The following NOL4 variants were observed in gnomAD, a reference collection of about 807,000 sequenced individuals.
NOL4 encodes nucleolar protein 4.
A neutral mutation model predicts 75.9 loss-of-function variants in NOL4; 17 were observed. That is an observed-to-expected ratio of 0.22 (90% CI 0.15 to 0.34). NOL4 has a LOEUF of 0.34. Ranked by LOEUF, NOL4 falls within the 10% of genes least tolerant of loss-of-function variation. NOL4 has a pLI of 1.00. For missense variants in NOL4, 614 were observed against 793.5 expected, an observed-to-expected ratio of 0.77 and a Z score of 2.72; for synonymous variants, 292 against 289.9, an observed-to-expected ratio of 1.01 and a Z score of -0.07.
intron 10 of NOL4, among the ~76,000 whole-genome samples, chr18:33,862,559 T>G (rs373530948): frequency 2.6e-5 from 4 of 151,808 alleles, no homozygotes; most frequent in Non-Finnish European, 4.4e-5. Context: ...ACAATGAACT[T>G]AAACAAATTT....
intron 2 of NOL4, among the ~76,000 whole-genome samples, chr18:34,128,432 G>A (rs532691536): frequency 2.0e-5 from 3 of 151,996 alleles, no homozygotes; most frequent in Admixed American, 6.6e-5. Context: ...CACAGTTAGT[G>A]ATATTAGTAG....
intron 5 of NOL4, among the ~76,000 whole-genome samples, chr18:34,034,842 G>GA (rs1156820871): frequency 2.3e-4 from 34 of 148,160 alleles, no homozygotes; most frequent in Non-Finnish European, 3.4e-4. Context: ...CACTAAAATG[G>GA]AAAAAAAAAG....
intron 10 of NOL4, among the ~76,000 whole-genome samples, chr18:33,859,303 G>A (rs1218682691): frequency 1.3e-5 from 2 of 151,960 alleles, no homozygotes; most frequent in African/African-American, 2.4e-5. Flanking sequence ...AACACAATGC[G>A]ATCTGTATGT....
chr18:33,936,079 A>T (rs1043015383), intron 9 of NOL4, among the ~76,000 whole-genome samples: 1 of 152,208 alleles, frequency 6.6e-6, no homozygotes, highest in Non-Finnish European at 1.5e-5. Context: ...AAAAGGACAC[A>T]AAACTGCAGA....
At chr18:33,854,725 T>C in intron 10 of NOL4, among the ~76,000 whole-genome samples, 1 of 151,450 alleles carries the variant, frequency 6.6e-6, no homozygotes, top group Admixed American at 6.6e-5. Flanking sequence ...TTATCTAGTA[T>C]CTGGTTGGCT....
intron 9 of NOL4, among the ~76,000 whole-genome samples, chr18:33,891,937 A>C (rs1345582082): frequency 3.3e-5 from 5 of 152,154 alleles, no homozygotes; most frequent in African/African-American, 1.2e-4. Context: ...GGCAGTCCAC[A>C]ATATGTTGAG....
At chr18:34,013,448 C>T (rs1309870941) in intron 6 of NOL4, among the ~76,000 whole-genome samples, 1 of 151,898 alleles carries the variant, frequency 6.6e-6, no homozygotes, top group Non-Finnish European at 1.5e-5. Flanking sequence ...ATTTTCCATC[C>T]TATACCCTTA....
At chr18:34,136,231 A>T (rs1339760108) in intron 1 of NOL4, among the ~76,000 whole-genome samples, 1 of 152,150 alleles carries the variant, frequency 6.6e-6, no homozygotes, top group Non-Finnish European at 1.5e-5. Context: ...CACAACTAAC[A>T]TCTTATTTAA....
chr18:33,984,210 C>T (rs1407272416), intron 6 of NOL4, among the ~76,000 whole-genome samples: 1 of 152,010 alleles, frequency 6.6e-6, no homozygotes, highest in Non-Finnish European at 1.5e-5. Flanking sequence ...TCATAGTACA[C>T]AACAAATTAT....
chr18:34,216,822 C>T (rs2036921859), intron 1 of NOL4, among the ~76,000 whole-genome samples: 1 of 151,770 alleles, frequency 6.6e-6, no homozygotes, highest in African/African-American at 2.4e-5. Context: ...TTAATCTTTT[C>T]CATTAACTTC....
intron 1 of NOL4, among the ~76,000 whole-genome samples, chr18:34,161,484 C>A (rs1377826156): frequency 3.3e-5 from 5 of 152,152 alleles, no homozygotes; most frequent in Non-Finnish European, 5.9e-5. Context: ...TTTATTCCTT[C>A]TTCTCCACGA....
chr18:33,945,851 C>T (rs1387406043), intron 8 of NOL4, among the ~76,000 whole-genome samples: 2 of 151,638 alleles, frequency 1.3e-5, no homozygotes, highest in African/African-American at 4.8e-5. Flanking sequence ...TCATCCAGTA[C>T]AAGTTTCTTC....
intron 9 of NOL4, among the ~76,000 whole-genome samples, chr18:33,918,205 T>C (rs1352697994): frequency 1.3e-5 from 2 of 152,138 alleles, no homozygotes; most frequent in African/African-American, 4.8e-5. Context: ...GGGGGAAAAA[T>C]CTGCTCAATT....
chr18:33,970,168 G>A (rs1364263634), intron 6 of NOL4, among the ~76,000 whole-genome samples: 2 of 152,252 alleles, frequency 1.3e-5, no homozygotes, highest in African/African-American at 4.8e-5. Flanking sequence ...ATTCAAATAA[G>A]TATAGCCATT....
At chr18:34,026,703 A>G (rs2075359819) in intron 5 of NOL4, among the ~76,000 whole-genome samples, 1 of 152,166 alleles carries the variant, frequency 6.6e-6, no homozygotes, top group Non-Finnish European at 1.5e-5. Flanking sequence ...AATTTTTTAA[A>G]TAATATAAAT....
At chr18:34,221,999 C>T (rs1461474275) in intron 1 of NOL4, 6 of 1,528,606 alleles carry the variant, frequency 3.9e-6, no homozygotes, top group East Asian at 5.0e-5. Context: ...TCCCCCATCC[C>T]TACTCCAGGC....
At chr18:34,070,101 G>T (rs1040144538) in intron 5 of NOL4, among the ~76,000 whole-genome samples, 1 of 152,170 alleles carries the variant, frequency 6.6e-6, no homozygotes, top group Non-Finnish European at 1.5e-5. Flanking sequence ...GCGCAATCCC[G>T]GCTCACTGAA....
intron 1 of NOL4, among the ~76,000 whole-genome samples, chr18:34,191,661 T>A (rs1046228083): frequency 6.6e-6 from 1 of 152,280 alleles, no homozygotes; most frequent in African/African-American, 2.4e-5. Flanking sequence ...TATGGAGAAA[T>A]AACTTTCCTG....
At chr18:33,906,123 A>G (rs1316806790) in intron 9 of NOL4, among the ~76,000 whole-genome samples, 2 of 152,234 alleles carry the variant, frequency 1.3e-5, no homozygotes, top group African/African-American at 4.8e-5. Context: ...AGTTGAAAGC[A>G]AATAACAGTT....
Sources: gnomAD v4.1 joint callset for allele counts (sites outside exome capture counted in the v4.1 genomes callset) on GRCh38, gnomAD v4.1.1 for gene constraint, MANE v1.5 for transcripts, NCBI Gene and HGNC (gene_info 2026-07-23, HGNC 2026-07-21) for gene names.